Variants in MGST2 observed in about 807,000 individuals in gnomAD.
The protein encoded by MGST2 is microsomal glutathione S-transferase 2, also known as glutathione peroxidase MGST2.
Under a neutral mutation model 16.6 loss-of-function variants are expected in MGST2, and 9 were observed. That is an observed-to-expected ratio of 0.54 (90% CI 0.33 to 0.95). The LOEUF (loss-of-function observed/expected upper bound fraction) is 0.95. Ranked by LOEUF, MGST2 falls within the 40% of genes least tolerant of loss-of-function variation. MGST2 has a pLI of 0.03. For missense variants in MGST2, 159 were observed against 175.1 expected (o/e 0.91, Z 0.52); for synonymous variants, 79 against 68.0 (o/e 1.16, Z -0.79).
chr4:139,736,072 A>C (rs1321834019), intron 5 of MGST2, among the ~76,000 whole-genome samples: 1 of 152,134 alleles, frequency 6.6e-6, no homozygotes, highest in African/African-American at 2.4e-5. Flanking sequence ...ATAAACAAAA[A>C]GGATGCCCCA....
chr4:139,747,770 T>C, the MGST2 span, among the ~76,000 whole-genome samples: 1 of 151,932 alleles, frequency 6.6e-6, no homozygotes, highest in African/African-American at 2.4e-5. Context: ...AATGCATATA[T>C]AGGCTGGGCG....
At chr4:139,692,941 T>G (rs1726697340) in intron 2 of MGST2, among the ~76,000 whole-genome samples, 1 of 152,204 alleles carries the variant, frequency 6.6e-6, no homozygotes, top group Non-Finnish European at 1.5e-5. Context: ...TAATTAGACT[T>G]TTATGAAGGC....
At chr4:139,708,303 C>G (rs1225638301), downstream of MGST2, among the ~76,000 whole-genome samples, 1 of 152,182 alleles carries the variant, frequency 6.6e-6, no homozygotes, top group Non-Finnish European at 1.5e-5. Context: ...TTCCCAGCAC[C>G]ATTTATTAAA....
Position 139,721,909 on chromosome 4 carries a change from C to T in MGST2, c.*48+17713C>T, listed in dbSNP as rs578084274. ...TTAACGACTAAATTTTTATCGGCTG[C>T]ATGGCCAATAAGATCAACTGTGGTG... On this transcript the variant is annotated intron_variant, in intron 5 of 5. Transcript: ENST00000616265. Among the ~76,000 whole-genome samples, 18 of 152,192 alleles carry T rather than the reference C, an allele frequency of 1.2e-4. No individual in the cohort carries two copies. In the East Asian group the frequency reaches 2.7e-3, roughly 23 times the overall value.
At chr4:139,712,564 G>A (rs1727782696) in intron 5 of MGST2, among the ~76,000 whole-genome samples, 1 of 152,188 alleles carries the variant, frequency 6.6e-6, no homozygotes, top group African/African-American at 2.4e-5. Flanking sequence ...TGTTTCATAA[G>A]GAATCTCAGA....
At chr4:139,692,953 A>G (rs1452345264) in intron 2 of MGST2, among the ~76,000 whole-genome samples, 3 of 152,362 alleles carry the variant, frequency 2.0e-5, no homozygotes, top group African/African-American at 7.2e-5. Context: ...TATGAAGGCT[A>G]ACCTGGGCTA....
At chr4:139,680,968 A>ACC (rs1333705827) in intron 2 of MGST2, among the ~76,000 whole-genome samples, 2 of 151,844 alleles carry the variant, frequency 1.3e-5, no homozygotes, top group African/African-American at 4.8e-5. Context: ...ACTGTGCTCA[A>ACC]CCCCAGGTGA....
At chr4:139,733,121 G>C (rs746960811) in intron 5 of MGST2, among the ~76,000 whole-genome samples, 1 of 152,172 alleles carries the variant, frequency 6.6e-6, no homozygotes, top group Non-Finnish European at 1.5e-5. Flanking sequence ...GGCACCTTTA[G>C]GGACAAATGG....
the MGST2 span, among the ~76,000 whole-genome samples, chr4:139,750,955 G>A: frequency 6.6e-6 from 1 of 152,188 alleles, no homozygotes; most frequent in Non-Finnish European, 1.5e-5. Flanking sequence ...GAGTGGAGAT[G>A]TCTACTCCTA....
chr4:139,736,653 AG>A (rs1473022530), intron 5 of MGST2, among the ~76,000 whole-genome samples: 4 of 152,210 alleles, frequency 2.6e-5, no homozygotes, highest in African/African-American at 9.6e-5. Context: ...ACTAAAAATT[AG>A]GGGTTCTCAA....
At chr4:139,747,437 T>C in the MGST2 span, among the ~76,000 whole-genome samples, 1 of 152,212 alleles carries the variant, frequency 6.6e-6, no homozygotes, top group Admixed American at 6.5e-5. Context: ...CTCACGCCTG[T>C]AATCCCAGCA....
chr4:139,751,814 A>G, the MGST2 span, among the ~76,000 whole-genome samples: 12 of 152,208 alleles, frequency 7.9e-5, no homozygotes, highest in African/African-American at 2.9e-4. Context: ...AGTTACAATG[A>G]CATCTTTGAC....
intron 5 of MGST2, among the ~76,000 whole-genome samples, chr4:139,734,177 A>G (rs1160161710): frequency 1.3e-5 from 2 of 152,216 alleles, no homozygotes; most frequent in African/African-American, 4.8e-5. Flanking sequence ...CTAACATAAT[A>G]CATGGCTTCT....
downstream of MGST2, among the ~76,000 whole-genome samples, chr4:139,742,827 T>C (rs1419745815): frequency 6.6e-6 from 1 of 152,226 alleles, no homozygotes; most frequent in Non-Finnish European, 1.5e-5. Flanking sequence ...GAGGAATAAA[T>C]CCACCTTTTT....
chr4:139,686,572 G>A (rs1040201218), intron 2 of MGST2, among the ~76,000 whole-genome samples: 1 of 152,180 alleles, frequency 6.6e-6, no homozygotes, highest in Non-Finnish European at 1.5e-5. Flanking sequence ...AGAATCTCAT[G>A]GTCAGAGCCG....
In MGST2 at chr4:139,731,348, C is replaced by T. The variant is rs540416856; in HGVS notation, c.*49-8864C>T. The T allele has an allele frequency of 6.1e-5, 9 of 148,402 alleles. No individual in the cohort carries two copies. In the East Asian group the frequency reaches 1.8e-3, roughly 30 times the overall value. 9.2% of individuals were successfully genotyped at this position (148,402 alleles called of 1,614,324 possible). A position where few individuals can be genotyped will look rare whatever the true frequency, so the allele number is the denominator to read the frequency against. On this transcript the variant is annotated intron_variant, in intron 5 of 5. Transcript: ENST00000616265. ...GCGCGGTGTCTCACGCCTGTAATCC[C>T]AGTACTTTGGGAGGCCCAGTACTTT... is the stretch of plus-strand genomic sequence containing the variant.
chr4:139,692,319 C>G (rs1174358671), intron 2 of MGST2, among the ~76,000 whole-genome samples: 1 of 152,204 alleles, frequency 6.6e-6, no homozygotes, highest in Non-Finnish European at 1.5e-5. Flanking sequence ...TGCTGCTCAC[C>G]CAGGATCCCA....
At chr4:139,716,042 G>A (rs1248000033) in intron 5 of MGST2, among the ~76,000 whole-genome samples, 2 of 152,192 alleles carry the variant, frequency 1.3e-5, no homozygotes, top group South Asian at 2.1e-4. Context: ...TGGGATTGCA[G>A]GTGTAAGCTA....
In MGST2 at chr4:139,691,721, C is replaced by T. The variant is rs188193995; in HGVS notation, c.159-3476C>T. Among the ~76,000 whole-genome samples the T allele has an allele frequency of 5.5e-4, 83 of 151,100 alleles. No homozygotes were observed. The South Asian group carries it at 5.8e-3, about 11-fold the overall frequency. On this transcript the variant is annotated intron_variant, in intron 2 of 4. Coordinates refer to ENST00000265498, the MANE Select transcript of MGST2 (RefSeq NM_002413.5). Reference sequence around the variant, plus strand: ...TGATTATTATTATTATTATTTGAGACGGAATCTCACTCTGTCACCCAGGCT... The same window carrying T: ...TGATTATTATTATTATTATTTGAGATGGAATCTCACTCTGTCACCCAGGCT...
Sources: gnomAD v4.1 joint callset for allele counts (sites outside exome capture counted in the v4.1 genomes callset) on GRCh38, gnomAD v4.1.1 for gene constraint, MANE v1.5 for transcripts, NCBI Gene and HGNC (gene_info 2026-07-23, HGNC 2026-07-21) for gene names.